ANKRD30A: variants seen among roughly 807,000 people sequenced by gnomAD.
ANKRD30A encodes ankyrin repeat domain-containing protein 30A.
A neutral mutation model predicts 166.3 loss-of-function variants in ANKRD30A; 170 were observed. The observed-to-expected ratio is 1.02, with a 90% confidence interval of 0.90 to 1.16. The LOEUF (loss-of-function observed/expected upper bound fraction) is 1.16. ANKRD30A is among the 50% of genes most tolerant of loss of function. The pLI is 0.00. For missense variants in ANKRD30A, 1,630 were observed against 1,518.0 expected, an observed-to-expected ratio of 1.07 and a Z score of -1.23; for synonymous variants, 564 against 508.9, an observed-to-expected ratio of 1.11 and a Z score of -1.46.
At chr10:37,209,139 G>A (rs947897827) in intron 31 of ANKRD30A, among the ~76,000 whole-genome samples, 8 of 152,038 alleles carry the variant, frequency 5.3e-5, no homozygotes, top group Non-Finnish European at 8.8e-5. Context: ...ATGTTCATAA[G>A]GCAGTTCTCT....
At chr10:37,263,377 G>A in the ANKRD30A span, among the ~76,000 whole-genome samples, 11 of 151,782 alleles carry the variant, frequency 7.2e-5, no homozygotes, top group Admixed American at 1.3e-4. Flanking sequence ...AGAACATTAC[G>A]TTTATTATGC....
At position 37,191,024 on chromosome 10, in the gene ANKRD30A, T is replaced by C. The variant is rs1425161346; in HGVS notation, c.2512+1467T>C. On this transcript the variant is annotated intron_variant, in intron 25 of 35. Coordinates refer to ENST00000361713, the MANE Select transcript of ANKRD30A (RefSeq NM_052997.3). ...TAAAAACCATAAAACTCTGAATTTA[T>C]GACTTGAATACCTAAATTGTTGTTA... is the stretch of plus-strand genomic sequence containing the variant. 2.0e-5 allele frequency among the ~76,000 whole-genome samples: 3 copies of C among 151,960 alleles called. No individual in the cohort carries two copies. The East Asian group carries it at 5.8e-4, about 29-fold the overall frequency.
At chr10:37,145,683 G>A (rs1246182788) in intron 8 of ANKRD30A, among the ~76,000 whole-genome samples, 4 of 152,176 alleles carry the variant, frequency 2.6e-5, no homozygotes, top group South Asian at 2.1e-4. Context: ...GAATTACTCC[G>A]AGTTCATCTT....
intron 9 of ANKRD30A, among the ~76,000 whole-genome samples, chr10:37,149,205 A>G (rs1216595152): frequency 6.6e-6 from 1 of 152,042 alleles, no homozygotes; most frequent in Non-Finnish European, 1.5e-5. Context: ...AAGCTGATCA[A>G]TTCATAACAC....
At chr10:37,243,521 T>C in the ANKRD30A span, among the ~76,000 whole-genome samples, 2 of 151,990 alleles carry the variant, frequency 1.3e-5, no homozygotes, top group Non-Finnish European at 2.9e-5. Context: ...CATTCGAGGG[T>C]CAATTGCATT....
chr10:37,194,740 A>G (rs540649771), intron 27 of ANKRD30A, among the ~76,000 whole-genome samples: 1 of 152,276 alleles, frequency 6.6e-6, no homozygotes, highest in South Asian at 2.1e-4. Flanking sequence ...ACCCAATACA[A>G]TTAGCTCTGC....
At chr10:37,157,265 A>G (rs572918475) in intron 13 of ANKRD30A, among the ~76,000 whole-genome samples, 5 of 152,244 alleles carry the variant, frequency 3.3e-5, no homozygotes, top group Admixed American at 6.5e-5. Flanking sequence ...TGTAGGATTC[A>G]TTCCTTGAAC....
downstream of ANKRD30A, among the ~76,000 whole-genome samples, chr10:37,236,370 T>C (rs1843675358): frequency 6.6e-6 from 1 of 152,094 alleles, no homozygotes; most frequent in Non-Finnish European, 1.5e-5. Flanking sequence ...CAGACTAAGC[T>C]CTTACACACA....
At chr10:37,224,256 A>G (rs1843026309) in intron 34 of ANKRD30A, among the ~76,000 whole-genome samples, 1 of 151,248 alleles carries the variant, frequency 6.6e-6, no homozygotes, top group Non-Finnish European at 1.5e-5. Flanking sequence ...GGTAGTATGC[A>G]TATCTGCTAT....
the ANKRD30A span, among the ~76,000 whole-genome samples, chr10:37,257,748 A>G: frequency 6.6e-6 from 1 of 152,170 alleles, no homozygotes; most frequent in Non-Finnish European, 1.5e-5. Context: ...ATTTGTACAT[A>G]TACAAATTAG....
At chr10:37,136,455 G>A (rs1467782891) in intron 5 of ANKRD30A, 152 bp from the exon 6 acceptor site, 6 of 419,228 alleles carry the variant, frequency 1.4e-5, no homozygotes. Context: ...AGTTCATAGA[G>A]CTTACAAACT....
chr10:37,179,002 A>G (rs1839955868), intron 24 of ANKRD30A, among the ~76,000 whole-genome samples: 1 of 138,992 alleles, frequency 7.2e-6, no homozygotes, highest in Non-Finnish European at 1.5e-5. Flanking sequence ...CTTTATTACT[A>G]TGAGGCGTCA....
At chr10:37,154,456 C>T (rs1838208767) in intron 13 of ANKRD30A, among the ~76,000 whole-genome samples, 1 of 151,926 alleles carries the variant, frequency 6.6e-6, no homozygotes, top group African/African-American at 2.4e-5. Context: ...TGTGGAAGAA[C>T]AATTGGATAG....
chr10:37,139,873 G>T (rs1190683810), intron 6 of ANKRD30A, among the ~76,000 whole-genome samples: 1 of 152,162 alleles, frequency 6.6e-6, no homozygotes, highest in Non-Finnish European at 1.5e-5. Flanking sequence ...CAATATGAGA[G>T]TTAGGGTGCT....
chr10:37,149,600 G>C (rs142362140), intron 9 of ANKRD30A, 51 bp from the exon 10 acceptor site: 1 of 1,570,954 alleles, frequency 6.4e-7, no homozygotes, highest in African/African-American at 1.4e-5. Context: ...TCATTTGGTT[G>C]GCATTGTCAT....
chr10:37,128,592 A>G (rs912489782), intron 1 of ANKRD30A, among the ~76,000 whole-genome samples: 10 of 152,086 alleles, frequency 6.6e-5, no homozygotes, highest in Non-Finnish European at 1.2e-4. Flanking sequence ...CTTTATTTAT[A>G]GCAGTGTTTT....
At chr10:37,159,765 G>C (rs1010908818) in intron 15 of ANKRD30A, among the ~76,000 whole-genome samples, 8 of 151,728 alleles carry the variant, frequency 5.3e-5, no homozygotes, top group African/African-American at 1.9e-4. Flanking sequence ...GCGCGATCTC[G>C]GCTCACGCAA....
chr10:37,254,611 T>C, the ANKRD30A span, among the ~76,000 whole-genome samples: 3 of 151,998 alleles, frequency 2.0e-5, no homozygotes, highest in African/African-American at 7.2e-5. Context: ...TAGATACATA[T>C]TTCTAATCAA....
At chr10:37,251,240 C>G in the ANKRD30A span, among the ~76,000 whole-genome samples, 2 of 152,136 alleles carry the variant, frequency 1.3e-5, no homozygotes, top group Non-Finnish European at 2.9e-5. Flanking sequence ...CTCCAGAGAA[C>G]TAGGATATGA....
Sources: allele counts gnomAD v4.1 joint callset (sites outside exome capture counted in the v4.1 genomes callset), GRCh38; gene constraint gnomAD v4.1.1; transcripts MANE v1.5; gene names NCBI Gene and HGNC (gene_info 2026-07-23, HGNC 2026-07-21).